Variants in ERMP1 observed in about 807,000 individuals in gnomAD.
The protein encoded by ERMP1 is Felix-ina.
In ERMP1, 86 loss-of-function variants were observed where a neutral mutation model predicts 92.0. The ratio of observed to expected loss-of-function variants is 0.93; its 90% CI spans 0.79 to 1.12. The LOEUF is 1.12. ERMP1 is among the 50% of genes most tolerant of loss of function. The pLI, the probability that ERMP1 is intolerant of heterozygous loss-of-function variation, is 0.00. For synonymous variants in ERMP1, 530 were observed against 412.8 expected, an observed-to-expected ratio of 1.28 and a Z score of -3.44; for missense variants, 1,342 against 1,116.3, an observed-to-expected ratio of 1.20 and a Z score of -2.88.
chr9:5,820,573 C>A (rs969501185), intron 4 of ERMP1, among the ~76,000 whole-genome samples: 1 of 152,176 alleles, frequency 6.6e-6, no homozygotes, highest in Non-Finnish European at 1.5e-5. Context: ...TCAAGTCATT[C>A]TTTCTGGCCC....
intron 13 of ERMP1, among the ~76,000 whole-genome samples, chr9:5,797,477 G>A (rs1027748081): frequency 6.6e-6 from 1 of 151,934 alleles, no homozygotes; most frequent in Non-Finnish European, 1.5e-5. Flanking sequence ...GTGAAACCCT[G>A]TCTCTACTAA....
intron 6 of ERMP1, among the ~76,000 whole-genome samples, chr9:5,848,680 A>AC (rs1416107926): frequency 7.8e-5 from 9 of 115,948 alleles, no homozygotes; most frequent in African/African-American, 2.8e-4. Flanking sequence ...GAGTTAAATG[A>AC]CCTCTCTCTA....
chr9:5,794,087 G>C (rs774782428), intron 13 of ERMP1, among the ~76,000 whole-genome samples: 7 of 152,004 alleles, frequency 4.6e-5, no homozygotes, highest in Non-Finnish European at 1.0e-4. Context: ...TTCATACAAA[G>C]TATGCTCTCA....
chr9:5,836,538 G>A (rs1315831497), upstream of ERMP1, among the ~76,000 whole-genome samples: 1 of 152,222 alleles, frequency 6.6e-6, no homozygotes, highest in Non-Finnish European at 1.5e-5. Context: ...AGGTGCTGTT[G>A]CGGATAGCTT....
In ERMP1 at chr9:5,784,778, C is replaced by G. The variant is rs551444794; in HGVS notation, c.*2366G>C. ...AAACTGTAAAAACAAACACTTCATG[C>G]GACAATCATTCTTAGGTCAAACACA... is the stretch of plus-strand genomic sequence containing the variant. On this transcript the variant is annotated 3_prime_UTR_variant, in exon 15 of 15. Coordinates refer to ENST00000339450, the MANE Select transcript of ERMP1 (RefSeq NM_024896.3). 3 of 151,866 alleles carry G rather than the reference C, an allele frequency of 2.0e-5. No individual in the cohort carries two copies. The East Asian group carries it at 5.8e-4, about 29-fold the overall frequency. The allele number at this position is 151,866 out of a possible 1,614,324, so 9.4% of individuals were successfully genotyped here. A position where few individuals can be genotyped will look rare whatever the true frequency, so the allele number is the denominator to read the frequency against.
intron 5 of ERMP1, among the ~76,000 whole-genome samples, chr9:5,866,924 GGC>G (rs1830685265): frequency 6.6e-6 from 1 of 152,158 alleles, no homozygotes; most frequent in Non-Finnish European, 1.5e-5. Flanking sequence ...GGTTGTTTGA[GGC>G]CAGGCACAGT....
In ERMP1 at chr9:5,849,983, A is replaced by G. The variant is rs149546186; in HGVS notation, n.3199+9485T>C. Reference sequence around the variant, plus strand: ...ATCCATGGTGGGATTGTGGATTTCAATCGTGGCCTTGCAGTGTAGGCACCA... The same window carrying G: ...ATCCATGGTGGGATTGTGGATTTCAGTCGTGGCCTTGCAGTGTAGGCACCA... On this transcript the variant is annotated intron_variant and non_coding_transcript_variant, in intron 6 of 6. Coordinates refer to the ERMP1 transcript ENST00000690753. Among the ~76,000 whole-genome samples the G allele has an allele frequency of 3.3e-3, 508 of 152,326 alleles. 6 individuals are homozygous for G. The highest frequency in any genetic ancestry group is 0.012 in the African/African-American group (484 of 41,568).
intron 10 of ERMP1, among the ~76,000 whole-genome samples, chr9:5,803,899 C>T (rs1467018084): frequency 6.6e-6 from 1 of 152,052 alleles, no homozygotes; most frequent in Non-Finnish European, 1.5e-5. Flanking sequence ...ACTAGTACAA[C>T]CAACCTCAAA....
chr9:5,811,335 A>C lies in ERMP1; in HGVS notation c.1115-12T>G. The C allele has an allele frequency of 6.4e-7, 1 of 1,572,994 alleles. No individual in the cohort carries two copies. Among genetic ancestry groups the C allele is most frequent in the Non-Finnish European group, 8.6e-7 (1 of 1,162,118 alleles). ...TAAAATGTTGTCACCTATTAGTAAAAACAAAAAAAAAAAGAAAGAAAAGGA... is the reference window on the plus strand; with the variant it reads ...TAAAATGTTGTCACCTATTAGTAAACACAAAAAAAAAAAGAAAGAAAAGGA... On this transcript the variant is annotated splice_polypyrimidine_tract_variant and intron_variant, in intron 6 of 14. Transcript: ENST00000339450.
chr9:5,834,417 C>T (rs374791967), upstream of ERMP1, among the ~76,000 whole-genome samples: 2 of 152,230 alleles, frequency 1.3e-5, no homozygotes, highest in South Asian at 2.1e-4. Flanking sequence ...GTAAGCCCCA[C>T]GAAGGCAGGA....
intron 6 of ERMP1, among the ~76,000 whole-genome samples, chr9:5,838,226 G>C (rs1202519498): frequency 6.6e-6 from 1 of 152,158 alleles, no homozygotes. Context: ...AAGCAATTAT[G>C]GAAGATGTAC....
chr9:5,787,183 G>C lies in ERMP1; in HGVS notation c.2676C>G (p.Pro892=). The change falls in exon 15 of 15, where the codon CCC becomes CCG. Residue 892 remains proline (P), a synonymous_variant. Coordinates refer to ENST00000339450, the MANE Select transcript of ERMP1 (RefSeq NM_024896.3). ...GATCGTAGGTGCACACCCAGGCAGA[G>C]GGAAATGTCCAATCTGGGAACTTTT... ...LKEKFPDWTF[P]SAWVCTYDLF... The C allele has an allele frequency of 6.2e-7, 1 of 1,614,044 alleles. No individual in the cohort carries two copies. Among genetic ancestry groups the C allele is most frequent in the Non-Finnish European group, 8.5e-7 (1 of 1,179,972 alleles).
At chr9:5,796,957 T>C (rs558102898) in intron 13 of ERMP1, among the ~76,000 whole-genome samples, 3 of 152,282 alleles carry the variant, frequency 2.0e-5, no homozygotes, top group South Asian at 4.1e-4. Context: ...AAGACATTAA[T>C]AGAGGAAAAT....
intron 13 of ERMP1, chr9:5,791,198 A>C (rs1306884723): frequency 2.2e-6 from 1 of 456,588 alleles, no homozygotes; most frequent in East Asian, 6.9e-5. Flanking sequence ...AGAGACAGAG[A>C]GAGTGATTGA....
intron 10 of ERMP1, among the ~76,000 whole-genome samples, chr9:5,804,357 G>C (rs1360403120): frequency 1.3e-5 from 2 of 152,040 alleles, no homozygotes; most frequent in East Asian, 3.9e-4. Flanking sequence ...CTTAAACTCT[G>C]CATCACTGTC....
intron 6 of ERMP1, among the ~76,000 whole-genome samples, chr9:5,842,507 G>A (rs765214060): frequency 1.9e-4 from 29 of 151,662 alleles, no homozygotes; most frequent in Non-Finnish European, 3.5e-4. Context: ...GCTGTGGTTT[G>A]CACAACATTA....
intron 13 of ERMP1, among the ~76,000 whole-genome samples, chr9:5,789,093 C>T (rs1057492713): frequency 6.6e-6 from 1 of 152,022 alleles, no homozygotes; most frequent in Non-Finnish European, 1.5e-5. Context: ...CGAAACAGAA[C>T]TAATATTTAA....
chr9:5,789,664 C>T (rs1199253907), intron 13 of ERMP1, among the ~76,000 whole-genome samples: 2 of 152,038 alleles, frequency 1.3e-5, no homozygotes, highest in African/African-American at 4.8e-5. Flanking sequence ...GAACAGCCCA[C>T]TGCTCTGTCA....
At chr9:5,850,427 A>AAAAAG (rs142972934) in intron 6 of ERMP1, among the ~76,000 whole-genome samples, 1,708 of 143,946 alleles carry the variant, frequency 0.012, 24 homozygotes, top group Middle Eastern at 0.047. Context: ...AAAAAAAAAA[A>AAAAAG]AAGAAGAAGA....
Sources: allele counts gnomAD v4.1 joint callset (sites outside exome capture counted in the v4.1 genomes callset), GRCh38; gene constraint gnomAD v4.1.1; transcripts MANE v1.5; gene names NCBI Gene and HGNC (gene_info 2026-07-23, HGNC 2026-07-21).